Variants in MAD1L1 observed in about 807,000 individuals in gnomAD.
MAD1L1 encodes mitotic arrest deficient 1 like 1, also known as mitotic spindle assembly checkpoint protein MAD1.
MAD1L1 carries 95 observed loss-of-function variants against 96.9 expected under a neutral mutation model. That is an observed-to-expected ratio of 0.98 (90% CI 0.83 to 1.16). The LOEUF is 1.16. Among genes scored for constraint, MAD1L1 ranks in the 50% most tolerant of loss-of-function variants. The pLI, the probability that MAD1L1 is intolerant of heterozygous loss-of-function variation, is 0.00. For missense variants in MAD1L1, 1,007 were observed against 954.4 expected (o/e 1.06, Z -0.73); for synonymous variants, 473 against 396.6 (o/e 1.19, Z -2.29).
Position 1,823,274 on chromosome 7 carries a change from C to T in MAD1L1, c.1999-7046G>A, listed in dbSNP as rs1452205648. Among the ~76,000 whole-genome samples the T allele has an allele frequency of 3.3e-5, 5 of 152,148 alleles. No homozygotes were observed. The East Asian group carries it at 9.6e-4, about 29-fold the overall frequency. ...AAATAAAATTTAACTCAAACTGTAT[C>T]ACGAACTTACATGTAAAACACAGAA... On this transcript the variant is annotated intron_variant, in intron 18 of 18. Coordinates refer to ENST00000265854, the MANE Select transcript of MAD1L1 (RefSeq NM_001013836.2).
At chr7:2,155,160 G>C (rs777520234) in intron 10 of MAD1L1, among the ~76,000 whole-genome samples, 1 of 152,100 alleles carries the variant, frequency 6.6e-6, no homozygotes, top group Non-Finnish European at 1.5e-5. Flanking sequence ...AAAGGACGAG[G>C]CTAAGAGAGC....
intron 16 of MAD1L1, among the ~76,000 whole-genome samples, chr7:1,943,653 C>T (rs554698160): frequency 4.6e-5 from 7 of 152,206 alleles, no homozygotes; most frequent in South Asian, 2.1e-4. Context: ...CCCTGGTGTG[C>T]GGCAGCCCTG....
intron 10 of MAD1L1, among the ~76,000 whole-genome samples, chr7:2,211,030 G>A (rs1792917801): frequency 6.6e-6 from 1 of 152,236 alleles, no homozygotes; most frequent in Non-Finnish European, 1.5e-5. Flanking sequence ...TACTGTTGGT[G>A]GCGGGGGGCA....
intron 18 of MAD1L1, among the ~76,000 whole-genome samples, chr7:1,831,243 T>C (rs1782689973): frequency 6.6e-6 from 1 of 152,244 alleles, no homozygotes; most frequent in African/African-American, 2.4e-5. Flanking sequence ...AACTTTTTCA[T>C]TACTAGTATA....
At chr7:2,130,546 A>G (rs1488645145) in intron 11 of MAD1L1, among the ~76,000 whole-genome samples, 1 of 152,214 alleles carries the variant, frequency 6.6e-6, no homozygotes, top group Non-Finnish European at 1.5e-5. Flanking sequence ...ATGATTCCAA[A>G]CATAAACTCA....
intron 12 of MAD1L1, among the ~76,000 whole-genome samples, chr7:2,028,232 T>A (rs1397961559): frequency 6.6e-6 from 1 of 152,086 alleles, no homozygotes; most frequent in South Asian, 2.1e-4. Flanking sequence ...GAGACCATCC[T>A]GGCTAACACG....
Position 2,222,594 on chromosome 7 carries a change from C to A in MAD1L1, c.452G>T (p.Ser151Ile), listed in dbSNP as rs1793666921. 6.2e-7 allele frequency: 1 copy of A among 1,609,702 alleles called. No individual in the cohort carries two copies. The highest frequency in any genetic ancestry group is 8.5e-7 in the Non-Finnish European group (1 of 1,178,278). ...GCTCACCTCGCCAGCCTGGGCCAGACTGTCCTCTTTCTCACGCAGCCTCTT... is the reference window on the plus strand; with the variant it reads ...GCTCACCTCGCCAGCCTGGGCCAGAATGTCCTCTTTCTCACGCAGCCTCTT... ...ASKRLREKED[S>I]LAQAGETINA... Residue 151 changes from serine (S) to isoleucine (I), a missense_variant, in exon 5 of 19, where the codon AGT (serine) becomes ATT (isoleucine). By Grantham distance (142) the Ser-to-Ile change is moderately radical. Transcript: ENST00000265854.
intron 18 of MAD1L1, among the ~76,000 whole-genome samples, chr7:1,839,056 C>T (rs1298459512): frequency 1.3e-5 from 2 of 152,124 alleles, no homozygotes; most frequent in Non-Finnish European, 2.9e-5. Context: ...GCGGCGGGTC[C>T]CACTCGCAGA....
At chr7:1,899,518 T>C (rs760984411) in intron 17 of MAD1L1, among the ~76,000 whole-genome samples, 3 of 152,196 alleles carry the variant, frequency 2.0e-5, no homozygotes, top group Non-Finnish European at 4.4e-5. Flanking sequence ...AGGCACGGGA[T>C]GGTCAGCTCC....
chr7:1,866,689 T>C lies in MAD1L1; in HGVS notation c.1998+31511A>G, dbSNP rs527844146. 4.6e-5 allele frequency among the ~76,000 whole-genome samples: 7 copies of C among 151,964 alleles called. No homozygotes were observed. In the South Asian group the frequency reaches 1.3e-3, roughly 27 times the overall value. ...AGAGCAGTCCTGCTTGGCGGGAGCG[T>C]TGGGGGCAGGCAGGGGTGAAGGGCA... On this transcript the variant is annotated intron_variant, in intron 18 of 18. Coordinates refer to ENST00000265854, the MANE Select transcript of MAD1L1 (RefSeq NM_001013836.2).
At chr7:2,194,082 C>T (rs1332557166) in intron 10 of MAD1L1, among the ~76,000 whole-genome samples, 3 of 151,498 alleles carry the variant, frequency 2.0e-5, no homozygotes, top group Non-Finnish European at 4.4e-5. Flanking sequence ...TTGTTGGGAC[C>T]ATGGGTGCGT....
intron 18 of MAD1L1, among the ~76,000 whole-genome samples, chr7:1,866,830 G>A (rs57234495): frequency 0.19 from 29,253 of 152,194 alleles, 2,955 homozygotes; most frequent in South Asian, 0.28. Flanking sequence ...CATAGGGCCC[G>A]GTGAGGGCCA....
chr7:1,902,137 T>C (rs946898541), intron 17 of MAD1L1, among the ~76,000 whole-genome samples: 1 of 152,190 alleles, frequency 6.6e-6, no homozygotes, highest in Non-Finnish European at 1.5e-5. Flanking sequence ...CACTGGTGCC[T>C]GAACAGCCAC....
At chr7:1,943,015 T>C (rs1779071510) in intron 16 of MAD1L1, among the ~76,000 whole-genome samples, 1 of 152,174 alleles carries the variant, frequency 6.6e-6, no homozygotes, top group African/African-American at 2.4e-5. Context: ...TGTTAAGACC[T>C]TTCGATAGGG....
chr7:1,945,234 G>A (rs1183229763), intron 16 of MAD1L1, among the ~76,000 whole-genome samples: 1 of 152,248 alleles, frequency 6.6e-6, no homozygotes, highest in Non-Finnish European at 1.5e-5. Context: ...ATCTCAGTAG[G>A]CGTCCTCCAC....
chr7:1,864,047 C>T (rs1343935960), intron 18 of MAD1L1, among the ~76,000 whole-genome samples: 7 of 152,252 alleles, frequency 4.6e-5, no homozygotes, highest in South Asian at 4.1e-4. Flanking sequence ...GAGCCGAGAT[C>T]GCGCCACTGC....
At chr7:2,085,160 C>T (rs1214778187) in intron 11 of MAD1L1, among the ~76,000 whole-genome samples, 1 of 152,216 alleles carries the variant, frequency 6.6e-6, no homozygotes, top group Admixed American at 6.5e-5. Context: ...CCACGGGTCT[C>T]AGAACCGTAA....
chr7:2,220,948 T>C (rs758489720), intron 5 of MAD1L1: 1 of 1,612,442 alleles, frequency 6.2e-7, no homozygotes, highest in Non-Finnish European at 8.5e-7. Context: ...ACCCGTGTTG[T>C]AGGGGACGCC....
chr7:1,851,117 G>C (rs1783951858), intron 18 of MAD1L1, among the ~76,000 whole-genome samples: 1 of 152,244 alleles, frequency 6.6e-6, no homozygotes, highest in African/African-American at 2.4e-5. Flanking sequence ...AGAATCTATA[G>C]GCACTCATGT....
Sources: gnomAD v4.1 joint callset for allele counts (sites outside exome capture counted in the v4.1 genomes callset) on GRCh38, gnomAD v4.1.1 for gene constraint, MANE v1.5 for transcripts, NCBI Gene and HGNC (gene_info 2026-07-23, HGNC 2026-07-21) for gene names.